The following SYNE1 variants were observed in gnomAD, a reference collection of about 807,000 sequenced individuals.
SYNE1 encodes the protein nesprin-1.
In SYNE1, 616 loss-of-function variants were observed where a neutral mutation model predicts 1,111.0. The ratio of observed to expected loss-of-function variants is 0.55; its 90% CI spans 0.52 to 0.59. SYNE1 has a LOEUF of 0.59. Among genes scored for constraint, SYNE1 ranks in the 20% least tolerant of loss-of-function variants. The probability of loss-of-function intolerance (pLI) is 0.00; values close to 1 mark genes in which losing one functional copy is unlikely to be tolerated. For synonymous variants in SYNE1, 3,855 were observed against 3,825.8 expected (o/e 1.01, Z -0.28); for missense variants, 10,006 against 10,417.0 (o/e 0.96, Z 1.72).
rs1413633616 is a variant in SYNE1 at position 152,244,643 on chromosome 6, G to A, written c.19586C>T (p.Ala6529Val). The change falls in exon 106 of 146, where the codon GCT becomes GTT. Residue 6529 changes from alanine to valine, a missense_variant. Physicochemically the swap from Ala to Val is moderately conservative, Grantham distance 64. This residue lies in a region of SYNE1 where 2,182 missense variants were observed against 2,287.8 expected (regional missense o/e 0.95). Coordinates refer to ENST00000367255, the MANE Select transcript of SYNE1 (RefSeq NM_182961.4). ...ATCAAATTCTTTGAGTCCATCTTCA[G>A]CCTGTTGTATTGCCTAAGTAAGATC... ...VAEQIEAIQQ[A>V]EDGLKEFDAG... 17 of 1,613,766 alleles carry A rather than the reference G, an allele frequency of 1.1e-5. No homozygotes were observed. The highest frequency in any genetic ancestry group is 1.4e-5 in the Non-Finnish European group (16 of 1,179,872).
At chr6:152,264,102 G>A (rs147483761) in intron 100 of SYNE1, among the ~76,000 whole-genome samples, 7 of 149,726 alleles carry the variant, frequency 4.7e-5, no homozygotes, top group African/African-American at 1.7e-4. Flanking sequence ...CCAGCTACTC[G>A]GGAGGCTGAG....
intron 145 of SYNE1, among the ~76,000 whole-genome samples, chr6:152,123,392 T>C (rs2052140736): frequency 6.6e-6 from 1 of 152,192 alleles, no homozygotes; most frequent in South Asian, 2.1e-4. Context: ...ATGGACACCA[T>C]TTTCTGAGGA....
At chr6:152,386,514 C>T (rs1041998205) in intron 54 of SYNE1, among the ~76,000 whole-genome samples, 1 of 152,034 alleles carries the variant, frequency 6.6e-6, no homozygotes, top group Admixed American at 6.5e-5. Flanking sequence ...AACAACAACT[C>T]TCTCCCTTAA....
intron 57 of SYNE1, 30 bp downstream of exon 57, chr6:152,376,746 A>G (rs1007041139): frequency 6.2e-7 from 1 of 1,612,786 alleles, no homozygotes; most frequent in African/African-American, 1.3e-5. Flanking sequence ...GTATAAAAAT[A>G]TCTTGAACAC....
In SYNE1 at chr6:152,339,379, G is replaced by A. The variant is rs752786683; in HGVS notation, c.12226-13C>T. On this transcript the variant is annotated splice_polypyrimidine_tract_variant and intron_variant, in intron 74 of 145. Coordinates refer to ENST00000367255, the MANE Select transcript of SYNE1 (RefSeq NM_182961.4). ...TGAAGTGTTTGACCTGGAAAAGGCA[G>A]TTATCAGAGTGAAAGAGATGCATCA... The A allele has an allele frequency of 2.5e-6, 4 of 1,613,102 alleles. No individual in the cohort carries two copies. Among genetic ancestry groups the A allele is most frequent in the Non-Finnish European group, 3.4e-6 (4 of 1,179,274 alleles).
At chr6:152,253,497 A>T (rs1268597946) in intron 104 of SYNE1, among the ~76,000 whole-genome samples, 1 of 152,186 alleles carries the variant, frequency 6.6e-6, no homozygotes, top group Non-Finnish European at 1.5e-5. Flanking sequence ...GGTTCATGGA[A>T]GTCAAGCCGC....
Position 152,397,287 on chromosome 6 carries a change from T to C in SYNE1, c.7351-307A>G, listed in dbSNP as rs576061801. Among the ~76,000 whole-genome samples the C allele has an allele frequency of 3.3e-5, 5 of 152,306 alleles. No homozygotes were observed. The East Asian group carries it at 9.7e-4, about 29-fold the overall frequency. ...CAACATGGTCCAGGTCCACCATCTCTCAGGGTTCATGTGAGATCCTCTACC... is the reference window on the plus strand; with the variant it reads ...CAACATGGTCCAGGTCCACCATCTCCCAGGGTTCATGTGAGATCCTCTACC... On this transcript the variant is annotated intron_variant, in intron 49 of 145. Coordinates refer to ENST00000367255, the MANE Select transcript of SYNE1 (RefSeq NM_182961.4).
At chr6:152,560,062 GAAATA>G (rs1454465816) in intron 3 of SYNE1, among the ~76,000 whole-genome samples, 3 of 152,010 alleles carry the variant, frequency 2.0e-5, no homozygotes, top group Non-Finnish European at 4.4e-5. Context: ...GAATCAAGAA[GAAATA>G]GAAGGCTGGG....
rs761198236 is a variant in SYNE1, at chr6:152,483,144, C to T, written c.1291G>A (p.Val431Ile). The T allele has an allele frequency of 2.2e-5, 36 of 1,614,074 alleles. No homozygotes were observed. Among genetic ancestry groups the T allele is most frequent in the East Asian group, 6.7e-5 (3 of 44,894 alleles). Residue 431 changes from valine (V) to isoleucine (I), a missense_variant, in exon 14 of 146, where the codon GTT becomes ATT. Val to Ile is a conservative substitution (Grantham distance 29). Coordinates refer to ENST00000367255, the MANE Select transcript of SYNE1 (RefSeq NM_182961.4). ...GCTGTTTCCTCGTGGACCTGTTGAACGGTTATTTCCTCTCTCAGGGCCACC... is the reference window on the plus strand; with the variant it reads ...GCTGTTTCCTCGTGGACCTGTTGAATGGTTATTTCCTCTCTCAGGGCCACC... ...AEVALREEIT[V>I]QQVHEETANT...
intron 115 of SYNE1, among the ~76,000 whole-genome samples, chr6:152,229,142 A>C (rs2082200302): frequency 6.6e-6 from 1 of 152,184 alleles, no homozygotes; most frequent in Admixed American, 6.6e-5. Context: ...TCATTACCAA[A>C]GTTCTTTCTT....
intron 125 of SYNE1, among the ~76,000 whole-genome samples, chr6:152,206,756 G>C (rs954062534): frequency 1.3e-5 from 2 of 152,168 alleles, no homozygotes; most frequent in African/African-American, 4.8e-5. Context: ...GTGATCAGGA[G>C]TGGAGGAGAG....
chr6:152,373,393 C>T (rs1811616), intron 58 of SYNE1, among the ~76,000 whole-genome samples, 174 bp from the exon 59 acceptor site: 1 of 151,922 alleles, frequency 6.6e-6, no homozygotes, highest in African/African-American at 2.4e-5. Context: ...AATTCTCCTG[C>T]CTCAGCCTCC....
At chr6:152,494,728 C>T (rs1004621078) in intron 11 of SYNE1, among the ~76,000 whole-genome samples, 16 of 152,166 alleles carry the variant, frequency 1.1e-4, no homozygotes, top group Non-Finnish European at 8.8e-5. Context: ...GGTCCTCCAT[C>T]GTTAATGACT....
At chr6:152,282,800 C>A (rs1203481295) in intron 96 of SYNE1, among the ~76,000 whole-genome samples, 1 of 151,828 alleles carries the variant, frequency 6.6e-6, no homozygotes, top group Non-Finnish European at 1.5e-5. Context: ...TAGGTTGGTG[C>A]AGAAGTAATT....
intron 30 of SYNE1, among the ~76,000 whole-genome samples, chr6:152,443,683 C>T (rs532806749): frequency 1.1e-3 from 162 of 152,190 alleles, no homozygotes; most frequent in African/African-American, 3.6e-3. Context: ...GTATATAATA[C>T]ACACACAAAC....
At chr6:152,631,764 G>A (rs1388915287) in intron 2 of SYNE1, among the ~76,000 whole-genome samples, 2 of 152,100 alleles carry the variant, frequency 1.3e-5, no homozygotes, top group Non-Finnish European at 2.9e-5. Context: ...GGGGTTTCCA[G>A]AGTGTATATC....
chr6:152,423,083 C>T (rs923997127), intron 39 of SYNE1, among the ~76,000 whole-genome samples: 1 of 152,202 alleles, frequency 6.6e-6, no homozygotes, highest in South Asian at 2.1e-4. Flanking sequence ...AGTCAAACAC[C>T]ATAAAGACCT....
At chr6:152,374,321 A>C (rs888304901) in intron 58 of SYNE1, among the ~76,000 whole-genome samples, 2 of 152,244 alleles carry the variant, frequency 1.3e-5, no homozygotes, top group Non-Finnish European at 2.9e-5. Context: ...GCACAAGCTC[A>C]AAGTTATTTA....
rs182355163 is a variant in SYNE1 at position 152,164,527 on chromosome 6, G to A, written c.23628-202C>T. On this transcript the variant is annotated intron_variant, in intron 130 of 145. Transcript: ENST00000367255. ...AAGGAGCAAGGATGCAGAGGAGGCA[G>A]GGGTCCAGGGCACAGGAGCAGAGAT... 8.3e-4 allele frequency among the ~76,000 whole-genome samples: 126 copies of A among 152,354 alleles called. 1 individual carries two copies. The highest frequency in any genetic ancestry group is 1.4e-3 in the Admixed American group (21 of 15,306).
Sources: allele counts gnomAD v4.1 joint callset (sites outside exome capture counted in the v4.1 genomes callset), GRCh38; gene constraint gnomAD v4.1.1; regional missense constraint gnomAD v4.1.1; transcripts MANE v1.5; gene names NCBI Gene and HGNC (gene_info 2026-07-23, HGNC 2026-07-21).